The following HPSE2 variants were observed in gnomAD, a reference collection of about 807,000 sequenced individuals.
HPSE2 encodes inactive heparanase-2.
HPSE2 carries 38 observed loss-of-function variants against 60.5 expected under a neutral mutation model. The ratio of observed to expected loss-of-function variants is 0.63; its 90% CI spans 0.48 to 0.82. The LOEUF (loss-of-function observed/expected upper bound fraction) is 0.82. Among genes scored for constraint, HPSE2 ranks in the 40% least tolerant of loss-of-function variants. The pLI, the probability that HPSE2 is intolerant of heterozygous loss-of-function variation, is 0.00. For missense variants in HPSE2, 713 were observed against 740.4 expected, an observed-to-expected ratio of 0.96 and a Z score of 0.43; for synonymous variants, 295 against 293.2, an observed-to-expected ratio of 1.01 and a Z score of -0.06.
At chr10:99,138,509 A>C (rs1471793408) in intron 3 of HPSE2, among the ~76,000 whole-genome samples, 1 of 152,242 alleles carries the variant, frequency 6.6e-6, no homozygotes, top group African/African-American at 2.4e-5. Flanking sequence ...CATCCATAAT[A>C]GACTGTATAA....
At chr10:98,538,661 G>A (rs1485345234) in intron 9 of HPSE2, among the ~76,000 whole-genome samples, 1 of 151,962 alleles carries the variant, frequency 6.6e-6, no homozygotes, top group Non-Finnish European at 1.5e-5. Context: ...CTGGGAATTG[G>A]ATTTTTTTAA....
At chr10:98,504,992 C>T (rs1591283213) in intron 9 of HPSE2, among the ~76,000 whole-genome samples, 1 of 152,082 alleles carries the variant, frequency 6.6e-6, no homozygotes, top group South Asian at 2.1e-4. Flanking sequence ...TAACTTTATG[C>T]TTCTAAGATT....
chr10:99,138,394 T>C lies in HPSE2; in HGVS notation c.610+5844A>G, dbSNP rs959180332. ...GACCCAGCAATCCCATTACTGGGTA[T>C]ATACCCAAAGGATTATAAATCATTC... On this transcript the variant is annotated intron_variant, in intron 3 of 11. Coordinates refer to ENST00000370552, the MANE Select transcript of HPSE2 (RefSeq NM_021828.5). Among the ~76,000 whole-genome samples the C allele has an allele frequency of 5.9e-5, 9 of 152,326 alleles. No individual in the cohort carries two copies. The South Asian group carries it at 1.5e-3, about 25-fold the overall frequency.
At chr10:99,158,832 T>A (rs191566854) in intron 2 of HPSE2, among the ~76,000 whole-genome samples, 11 of 151,444 alleles carry the variant, frequency 7.3e-5, no homozygotes, top group Admixed American at 7.2e-4. Context: ...AGAATCTTAA[T>A]AATCCATTTA....
chr10:98,924,800 T>A (rs1057168963), intron 3 of HPSE2, among the ~76,000 whole-genome samples: 1 of 152,146 alleles, frequency 6.6e-6, no homozygotes, highest in Non-Finnish European at 1.5e-5. Flanking sequence ...GGAATTGCAG[T>A]CTTTGTGTCC....
the HPSE2 span, among the ~76,000 whole-genome samples, chr10:99,247,778 AGGTGATT>A: frequency 6.6e-6 from 1 of 152,186 alleles, no homozygotes; most frequent in East Asian, 1.9e-4. Flanking sequence ...GCCTGGTGAG[AGGTGATT>A]GGACCATGGG....
intron 3 of HPSE2, among the ~76,000 whole-genome samples, chr10:98,904,232 C>A (rs1268673866): frequency 6.6e-6 from 1 of 151,924 alleles, no homozygotes; most frequent in African/African-American, 2.4e-5. Context: ...AATATTTTTC[C>A]TGTAACTGAG....
chr10:99,135,800 C>A (rs1032090715), intron 3 of HPSE2, among the ~76,000 whole-genome samples: 1 of 151,584 alleles, frequency 6.6e-6, no homozygotes, highest in African/African-American at 2.4e-5. Flanking sequence ...ATATTTAATT[C>A]TTTTAATTTT....
chr10:99,245,101 G>T, the HPSE2 span, among the ~76,000 whole-genome samples: 1 of 151,954 alleles, frequency 6.6e-6, no homozygotes, highest in African/African-American at 2.4e-5. Context: ...ATTTTCTGAA[G>T]CCTGGACCAC....
chr10:98,852,977 C>A (rs1387268189), intron 3 of HPSE2, among the ~76,000 whole-genome samples: 1 of 152,210 alleles, frequency 6.6e-6, no homozygotes, highest in Admixed American at 6.5e-5. Context: ...GTTTACACAG[C>A]TTTAAGGCCC....
chr10:99,222,519 A>G (rs1849348060), intron 2 of HPSE2, among the ~76,000 whole-genome samples: 2 of 152,234 alleles, frequency 1.3e-5, no homozygotes, highest in South Asian at 4.1e-4. Context: ...AGTATGGTTC[A>G]GTGTATAAAT....
intron 9 of HPSE2, among the ~76,000 whole-genome samples, chr10:98,550,602 G>C (rs1943833485): frequency 6.6e-6 from 1 of 151,906 alleles, no homozygotes; most frequent in South Asian, 2.1e-4. Flanking sequence ...TGAGTAGCTG[G>C]GACTACAGGC....
intron 6 of HPSE2, among the ~76,000 whole-genome samples, chr10:98,676,087 G>GGATT (rs1051446501): frequency 3.3e-5 from 5 of 151,856 alleles, no homozygotes; most frequent in African/African-American, 1.2e-4. Context: ...GGTAGATTGG[G>GGATT]GATTTCATGC....
rs61080994 is a variant in HPSE2 at position 98,899,758 on chromosome 10, CTT to C, written c.611-155704_611-155703del. On this transcript the variant is annotated intron_variant, in intron 3 of 11. Transcript: ENST00000370552. ...CACTTGAAAAATATTTTGGCAGTGT[CTT>C]TTTTTTTTTTTTTTTTTTTTGAGTT... Among the ~76,000 whole-genome samples the C allele has an allele frequency of 3.7e-3, 437 of 118,338 alleles. 3 individuals are homozygous for C. The highest frequency in any genetic ancestry group is 0.012 in the African/African-American group (391 of 31,320). The allele number at this position is 118,338 out of a possible 152,430, so 77.6% of individuals were successfully genotyped here.
At chr10:98,570,971 T>A (rs1039384264) in intron 9 of HPSE2, among the ~76,000 whole-genome samples, 2 of 152,332 alleles carry the variant, frequency 1.3e-5, no homozygotes, top group South Asian at 4.1e-4. Flanking sequence ...TGACATATGC[T>A]TGTTGTGGTC....
At chr10:98,982,554 G>A (rs1427665767) in intron 3 of HPSE2, among the ~76,000 whole-genome samples, 1 of 152,078 alleles carries the variant, frequency 6.6e-6, no homozygotes, top group East Asian at 1.9e-4. Context: ...GGAAAAGGGA[G>A]CTTTTAAGCA....
At chr10:99,307,192 TAC>T in the HPSE2 span, among the ~76,000 whole-genome samples, 5 of 152,212 alleles carry the variant, frequency 3.3e-5, no homozygotes, top group Non-Finnish European at 7.3e-5. Context: ...TTAACAGACC[TAC>T]ATTGGAAGTT....
At chr10:98,840,238 A>G (rs12413285) in intron 3 of HPSE2, among the ~76,000 whole-genome samples, 7,870 of 152,230 alleles carry the variant, frequency 0.052, 448 homozygotes, top group East Asian at 0.17. Flanking sequence ...GGGCGGGATT[A>G]TATGGTAGAT....
chr10:98,477,007 T>C (rs947081547), intron 11 of HPSE2, among the ~76,000 whole-genome samples: 1 of 152,194 alleles, frequency 6.6e-6, no homozygotes, highest in African/African-American at 2.4e-5. Flanking sequence ...AATTTTATAG[T>C]ACTGGACTGT....
Sources: gnomAD v4.1 joint callset for allele counts (sites outside exome capture counted in the v4.1 genomes callset) on GRCh38, gnomAD v4.1.1 for gene constraint, MANE v1.5 for transcripts, NCBI Gene and HGNC (gene_info 2026-07-23, HGNC 2026-07-21) for gene names.